Variants in WASF3 observed in about 807,000 individuals in gnomAD.
WASF3 encodes the protein WASP family member 3.
Under a neutral mutation model 46.6 loss-of-function variants are expected in WASF3, and 11 were observed. The ratio of observed to expected loss-of-function variants is 0.24; its 90% CI spans 0.15 to 0.39. WASF3 has a LOEUF of 0.39. Among genes scored for constraint, WASF3 ranks in the 10% least tolerant of loss-of-function variants. The probability of loss-of-function intolerance (pLI) is 1.00; values close to 1 mark genes in which losing one functional copy is unlikely to be tolerated. For synonymous variants in WASF3, 242 were observed against 259.7 expected, an observed-to-expected ratio of 0.93 and a Z score of 0.65; for missense variants, 576 against 669.8, an observed-to-expected ratio of 0.86 and a Z score of 1.55.
chr13:26,650,325 C>T (rs1882278238), intron 3 of WASF3, among the ~76,000 whole-genome samples: 1 of 152,156 alleles, frequency 6.6e-6, no homozygotes, highest in African/African-American at 2.4e-5. Flanking sequence ...CTGCCCCTCA[C>T]CCGACACCCT....
rs748043020 is a variant in WASF3 at position 26,685,736 on chromosome 13, G to A, written c.1400G>A (p.Arg467Gln). The change falls in exon 10 of 10, where the codon CGG becomes CAG. Residue 467 changes from arginine to glutamine, a missense_variant. By Grantham distance (43) the Arg-to-Gln change is conservative. Transcript: ENST00000335327. ...GAGCAGCGGGAGCAGGAGGCCAAGC[G>A]GGAGCCAGTGGGGAATGACGTGGCC... ...VQEQREQEAK[R>Q]EPVGNDVATI... The A allele has an allele frequency of 3.5e-5, 57 of 1,614,086 alleles. No individual in the cohort carries two copies. Among genetic ancestry groups the A allele is most frequent in the Non-Finnish European group, 4.3e-5 (51 of 1,180,040 alleles).
chr13:26,678,773 C>A (rs942641414), intron 7 of WASF3, among the ~76,000 whole-genome samples: 1 of 152,192 alleles, frequency 6.6e-6, no homozygotes, highest in Non-Finnish European at 1.5e-5. Context: ...CTCAGGGAGT[C>A]GCACACCTCC....
chr13:26,604,204 C>G (rs1200416435), intron 1 of WASF3, among the ~76,000 whole-genome samples: 2 of 152,142 alleles, frequency 1.3e-5, no homozygotes, highest in African/African-American at 4.8e-5. Flanking sequence ...TAAACTAATT[C>G]CTACCTTGCA....
chr13:26,554,036 TTTCTTTCCTTCCTTCCTTCCTTCC>T (rs1362287958), upstream of WASF3, among the ~76,000 whole-genome samples: 6 of 71,844 alleles, frequency 8.4e-5, no homozygotes, highest in South Asian at 2.7e-3. Context: ...CTTCTTTCTC[TTTCTTTCCTTCCTTCCTTCCTTCC>T]TTCCTTCCTT....
At chr13:26,616,082 A>G (rs2137231461) in intron 2 of WASF3, among the ~76,000 whole-genome samples, 1 of 152,354 alleles carries the variant, frequency 6.6e-6, no homozygotes, top group African/African-American at 2.4e-5. Context: ...GAACATTCAT[A>G]TACAAGTCTT....
At chr13:26,619,997 C>T (rs1219049736) in intron 2 of WASF3, among the ~76,000 whole-genome samples, 1 of 152,102 alleles carries the variant, frequency 6.6e-6, no homozygotes, top group South Asian at 2.1e-4. Context: ...CTGTAGGAAG[C>T]GTTTACAATG....
intron 1 of WASF3, among the ~76,000 whole-genome samples, chr13:26,570,977 C>G (rs192245983): frequency 9.2e-5 from 14 of 152,236 alleles, no homozygotes; most frequent in Middle Eastern, 3.4e-3. Context: ...GTGAAGCTTT[C>G]AAATTTTTGC....
chr13:26,632,456 G>A (rs1203001747), intron 2 of WASF3, among the ~76,000 whole-genome samples: 1 of 152,128 alleles, frequency 6.6e-6, no homozygotes, highest in East Asian at 1.9e-4. Flanking sequence ...TTGGTTCTGT[G>A]TATGTGATGG....
At chr13:26,596,465 T>C (rs1048799086) in intron 1 of WASF3, among the ~76,000 whole-genome samples, 1 of 152,146 alleles carries the variant, frequency 6.6e-6, no homozygotes, top group African/African-American at 2.4e-5. Context: ...TATTCTGACT[T>C]TAATTATTTT....
At chr13:26,598,093 G>A (rs1195519985) in intron 1 of WASF3, among the ~76,000 whole-genome samples, 1 of 152,188 alleles carries the variant, frequency 6.6e-6, no homozygotes, top group African/African-American at 2.4e-5. Context: ...CAGTGTAAAA[G>A]TGTTTCTGTT....
At chr13:26,576,763 T>C (rs1879809355) in intron 1 of WASF3, 2 of 319,068 alleles carry the variant, frequency 6.3e-6, no homozygotes, top group Admixed American at 9.1e-5. Context: ...ATAGACTCAT[T>C]GGAAATGCAA....
intron 1 of WASF3, among the ~76,000 whole-genome samples, chr13:26,563,350 T>A (rs1354459116): frequency 6.6e-6 from 1 of 151,962 alleles, no homozygotes; most frequent in Admixed American, 6.6e-5. Flanking sequence ...ATGTCATAGA[T>A]GTTTATAGAT....
chr13:26,638,952 T>C (rs753007659), intron 2 of WASF3, among the ~76,000 whole-genome samples: 4 of 152,176 alleles, frequency 2.6e-5, no homozygotes, highest in Non-Finnish European at 4.4e-5. Context: ...TGTTGTTTCT[T>C]CTCTCACCAT....
intron 1 of WASF3, among the ~76,000 whole-genome samples, chr13:26,569,707 G>A (rs1400025823): frequency 2.0e-5 from 3 of 152,154 alleles, no homozygotes; most frequent in Non-Finnish European, 4.4e-5. Flanking sequence ...GACATTAAAC[G>A]AGGAGAAATT....
intron 1 of WASF3, among the ~76,000 whole-genome samples, chr13:26,562,910 C>T (rs951863823): frequency 1.3e-5 from 1 of 78,428 alleles, no homozygotes; most frequent in African/African-American, 5.1e-5. Context: ...CTTTTCTTTT[C>T]TCTTTTCTTT....
intron 2 of WASF3, chr13:26,640,706 A>G (rs893550625): frequency 5.9e-5 from 9 of 152,268 alleles, no homozygotes; most frequent in African/African-American, 2.2e-4. Flanking sequence ...TGAGCCCAGC[A>G]TATCATCTCC....
At chr13:26,677,629 T>C (rs549582297) in intron 7 of WASF3, among the ~76,000 whole-genome samples, 148 of 152,318 alleles carry the variant, frequency 9.7e-4, no homozygotes, top group Middle Eastern at 3.4e-3. Flanking sequence ...CTATAAGTCA[T>C]TGGGAGGATG....
chr13:26,667,444 T>A, intron 4 of WASF3, 73 bp from the exon 5 acceptor site: 1 of 1,361,048 alleles, frequency 7.3e-7, no homozygotes. Flanking sequence ...TAATTGTGAG[T>A]CAAATGGTAT....
chr13:26,681,066 G>A lies in WASF3; in HGVS notation c.729G>A (p.Ser243=), dbSNP rs534771000. 14 of 1,611,556 alleles carry A rather than the reference G, an allele frequency of 8.7e-6. No homozygotes were observed. The South Asian group carries it at 8.8e-5, about 10-fold the overall frequency. Residue 243 remains serine (S), a synonymous_variant, in exon 8 of 10, where the codon TCG becomes TCA. Transcript: ENST00000335327. The part of the protein sequence containing the change: ...SLSPDTRSHA[S]DVTDYSYPAT... ...TTTCAAATGCCAGGTCACATGCATC[G>A]GACGTTACGGATTACTCTTACCCGG...
Sources: gnomAD v4.1 joint callset for allele counts (sites outside exome capture counted in the v4.1 genomes callset) on GRCh38, gnomAD v4.1.1 for gene constraint, MANE v1.5 for transcripts, NCBI Gene and HGNC (gene_info 2026-07-23, HGNC 2026-07-21) for gene names.